KLHL1: variants seen among roughly 807,000 people sequenced by gnomAD.
The protein encoded by KLHL1 is kelch like family member 1.
KLHL1 carries 47 observed loss-of-function variants against 77.7 expected under a neutral mutation model. That is an observed-to-expected ratio of 0.60 (90% confidence interval 0.48 to 0.77). KLHL1 has a LOEUF of 0.77. Among genes scored for constraint, KLHL1 ranks in the 30% least tolerant of loss-of-function variants. The pLI is 0.00. For missense variants in KLHL1, 925 were observed against 910.8 expected (o/e 1.02, Z -0.20); for synonymous variants, 360 against 325.2 (o/e 1.11, Z -1.15).
chr13:69,736,348 T>C (rs933981257), intron 8 of KLHL1, among the ~76,000 whole-genome samples: 1 of 152,072 alleles, frequency 6.6e-6, no homozygotes, highest in African/African-American at 2.4e-5. Flanking sequence ...TTTAACCACC[T>C]TACTCTTGCA....
intron 4 of KLHL1, among the ~76,000 whole-genome samples, chr13:69,934,603 C>T (rs1279152270): frequency 6.6e-6 from 1 of 151,934 alleles, no homozygotes; most frequent in Admixed American, 6.6e-5. Flanking sequence ...TGTTCAATGG[C>T]ATATTATTAT....
At chr13:70,003,868 G>A (rs1014141755) in intron 1 of KLHL1, among the ~76,000 whole-genome samples, 2 of 151,692 alleles carry the variant, frequency 1.3e-5, no homozygotes, top group African/African-American at 4.8e-5. Context: ...GTAAACAAAG[G>A]AAGAGATGAT....
At chr13:69,707,153 AC>A (rs1305820257) in intron 10 of KLHL1, among the ~76,000 whole-genome samples, 1 of 151,984 alleles carries the variant, frequency 6.6e-6, no homozygotes, top group Non-Finnish European at 1.5e-5. Flanking sequence ...TGTGGGGATT[AC>A]TACTTGGACT....
At chr13:69,766,670 T>C (rs1365463464) in intron 7 of KLHL1, among the ~76,000 whole-genome samples, 2 of 152,138 alleles carry the variant, frequency 1.3e-5, no homozygotes, top group Non-Finnish European at 2.9e-5. Flanking sequence ...GATTTTCCCA[T>C]ATTTCATTGC....
intron 1 of KLHL1, among the ~76,000 whole-genome samples, chr13:69,992,185 T>A (rs542967004): frequency 1.2e-4 from 19 of 152,190 alleles, no homozygotes; most frequent in African/African-American, 4.6e-4. Context: ...ATTTTATAAT[T>A]GAAATATTTG....
At chr13:69,970,734 C>T (rs1300495998) in intron 2 of KLHL1, among the ~76,000 whole-genome samples, 3 of 152,084 alleles carry the variant, frequency 2.0e-5, no homozygotes, top group African/African-American at 7.2e-5. Context: ...TGCAGAGCTT[C>T]CGGAGAGATA....
At chr13:70,105,455 T>G (rs947752930) in intron 1 of KLHL1, among the ~76,000 whole-genome samples, 5 of 151,524 alleles carry the variant, frequency 3.3e-5, no homozygotes, top group Admixed American at 6.6e-5. Flanking sequence ...TATGAAACAT[T>G]AATATTTCTA....
At chr13:70,095,170 T>C (rs919732604) in intron 1 of KLHL1, among the ~76,000 whole-genome samples, 5 of 152,188 alleles carry the variant, frequency 3.3e-5, no homozygotes, top group African/African-American at 1.2e-4. Context: ...GTATCGGTTA[T>C]AGATCTAAGT....
chr13:69,926,245 C>G (rs751870334), intron 4 of KLHL1, among the ~76,000 whole-genome samples: 6 of 152,044 alleles, frequency 3.9e-5, no homozygotes, highest in Non-Finnish European at 8.8e-5. Context: ...TTGCCCACAC[C>G]TAACCAGTCA....
chr13:69,803,338 C>G (rs935835598), intron 6 of KLHL1, among the ~76,000 whole-genome samples: 7 of 152,140 alleles, frequency 4.6e-5, no homozygotes, highest in Admixed American at 3.3e-4. Flanking sequence ...ATTACTTGCA[C>G]AGCATCTCTC....
chr13:70,067,378 C>A (rs915229758), intron 1 of KLHL1, among the ~76,000 whole-genome samples: 1 of 151,932 alleles, frequency 6.6e-6, no homozygotes, highest in African/African-American at 2.4e-5. Flanking sequence ...ATATTGATAT[C>A]TATGTTTTAG....
intron 3 of KLHL1, among the ~76,000 whole-genome samples, chr13:69,957,821 T>C (rs1239709033): frequency 6.6e-6 from 1 of 151,340 alleles, no homozygotes; most frequent in Non-Finnish European, 1.5e-5. Context: ...TTGAAAGTCT[T>C]AAAAGAAAAA....
At chr13:69,871,943 G>T (rs1001366210) in intron 5 of KLHL1, among the ~76,000 whole-genome samples, 1 of 151,642 alleles carries the variant, frequency 6.6e-6, no homozygotes, top group Non-Finnish European at 1.5e-5. Flanking sequence ...TCCAATCTTT[G>T]CCCGTTACCC....
chr13:69,912,797 C>T (rs918038846), intron 4 of KLHL1, among the ~76,000 whole-genome samples: 1 of 152,030 alleles, frequency 6.6e-6, no homozygotes, highest in African/African-American at 2.4e-5. Flanking sequence ...TGTCACAGTC[C>T]CTTGGCTGGT....
chr13:69,764,172 C>A (rs1875155410), intron 7 of KLHL1, among the ~76,000 whole-genome samples: 1 of 152,150 alleles, frequency 6.6e-6, no homozygotes, highest in Admixed American at 6.5e-5. Context: ...TTTCTTTATT[C>A]ATAGTGAACT....
intron 6 of KLHL1, among the ~76,000 whole-genome samples, chr13:69,834,127 T>C (rs1033685046): frequency 2.0e-5 from 3 of 151,936 alleles, no homozygotes; most frequent in African/African-American, 7.2e-5. Context: ...AGACTACACA[T>C]TGGGTATGGT....
At chr13:70,091,542 A>G (rs990420424) in intron 1 of KLHL1, among the ~76,000 whole-genome samples, 8 of 152,152 alleles carry the variant, frequency 5.3e-5, no homozygotes, top group African/African-American at 1.7e-4. Context: ...AAAATTTTCA[A>G]TTGTGAAGTT....
intron 6 of KLHL1, among the ~76,000 whole-genome samples, chr13:69,833,345 A>C (rs968068762): frequency 6.6e-6 from 1 of 152,152 alleles, no homozygotes; most frequent in African/African-American, 2.4e-5. Flanking sequence ...GCCAACAAAC[A>C]TATGAAAAAA....
chr13:69,991,139 G>C (rs1036437973), intron 1 of KLHL1, among the ~76,000 whole-genome samples: 3 of 151,806 alleles, frequency 2.0e-5, no homozygotes, highest in Non-Finnish European at 4.4e-5. Flanking sequence ...AGAATCTCTG[G>C]GACACAGCTA....
Sources: gnomAD v4.1 joint callset for allele counts (sites outside exome capture counted in the v4.1 genomes callset) on GRCh38, gnomAD v4.1.1 for gene constraint, MANE v1.5 for transcripts, NCBI Gene and HGNC (gene_info 2026-07-23, HGNC 2026-07-21) for gene names.